Variants in NCOR2 observed in about 807,000 individuals in gnomAD.
The protein encoded by NCOR2 is CTG repeat protein 26.
A neutral mutation model predicts 262.9 loss-of-function variants in NCOR2; 81 were observed. That is an observed-to-expected ratio of 0.31 (90% CI 0.26 to 0.37). The LOEUF (loss-of-function observed/expected upper bound fraction) is 0.37, where lower values mean the gene tolerates loss of function less well. NCOR2 is among the 10% of genes least tolerant of loss of function. The pLI is 1.00. For missense variants in NCOR2, 3,385 were observed against 3,621.4 expected, an observed-to-expected ratio of 0.93 and a Z score of 1.68; for synonymous variants, 1,659 against 1,559.3, an observed-to-expected ratio of 1.06 and a Z score of -1.51.
At chr12:124,404,714 A>G (rs775142139) in intron 13 of NCOR2, among the ~76,000 whole-genome samples, 6 of 152,222 alleles carry the variant, frequency 3.9e-5, no homozygotes, top group Non-Finnish European at 8.8e-5. Flanking sequence ...AGAGGCTGGT[A>G]CAGAGGAGAA....
intron 32 of NCOR2, among the ~76,000 whole-genome samples, chr12:124,343,645 G>C (rs1271284217): frequency 6.9e-6 from 1 of 143,960 alleles, no homozygotes. Flanking sequence ...TTTTTTTTGA[G>C]ATAAGAGTTT....
At chr12:124,342,118 G>C in intron 33 of NCOR2, 44 bp from the exon 36 acceptor site, 1 of 1,569,128 alleles carries the variant, frequency 6.4e-7, no homozygotes, top group African/African-American at 1.3e-5. Context: ...CCATACCTAG[G>C]CCTGATGGTG....
rs750724953 is a variant in NCOR2, at chr12:124,334,474, C to T, written c.6555G>A (p.Pro2185=). The change falls in exon 41 of 47, where the codon CCG becomes CCA. Residue 2185 remains proline, a synonymous_variant. Coordinates refer to ENST00000405201, the Ensembl canonical transcript of NCOR2. Reference sequence around the variant, plus strand: ...AGCCACGGGCCGGGGCACCATGGTCCGGGGGCGGGAGGTAGAGGTCACTGG... The same window carrying T: ...AGCCACGGGCCGGGGCACCATGGTCTGGGGGCGGGAGGTAGAGGTCACTGG... The T allele has an allele frequency of 2.3e-5, 34 of 1,468,830 alleles. No individual in the cohort carries two copies. In the East Asian group the frequency reaches 3.2e-4, roughly 14 times the overall value. The allele number at this position is 1,468,830 out of a possible 1,614,324, so 91.0% of individuals were successfully genotyped here. A position where few individuals can be genotyped will look rare whatever the true frequency, so the allele number is the denominator to read the frequency against.
chr12:124,463,926 A>G lies in NCOR2; in HGVS notation c.705+2247T>C, dbSNP rs74592797. 6.3e-3 allele frequency among the ~76,000 whole-genome samples: 957 copies of G among 151,782 alleles called. 10 individuals carry two copies. The highest frequency in any genetic ancestry group is 0.021 in the African/African-American group (871 of 41,074). On this transcript the variant is annotated intron_variant, in intron 5 of 46. Transcript: ENST00000405201. ...TTCCTGCCGCCTGAATATTTGCACA[A>G]TAATTATTTAATGTGCATCTGCCGT...
chr12:124,492,632 C>CG (rs1358219743), intron 1 of NCOR2, among the ~76,000 whole-genome samples: 1 of 152,150 alleles, frequency 6.6e-6, no homozygotes, highest in Non-Finnish European at 1.5e-5. Context: ...TCCCCTTACC[C>CG]GGGGGGATCT....
intron 16 of NCOR2, among the ~76,000 whole-genome samples, chr12:124,395,248 G>A (rs2041573394): frequency 6.6e-6 from 1 of 152,116 alleles, no homozygotes; most frequent in African/African-American, 2.4e-5. Context: ...TTCTGGGCGG[G>A]GGCTCCAGAA....
intron 3 of NCOR2, among the ~76,000 whole-genome samples, chr12:124,478,845 G>C (rs945945410): frequency 2.0e-5 from 3 of 151,768 alleles, no homozygotes; most frequent in African/African-American, 7.3e-5. Flanking sequence ...AGAGATAGAG[G>C]GACACAAAGA....
chr12:124,455,984 T>C (rs1158719467), intron 6 of NCOR2, among the ~76,000 whole-genome samples: 3 of 152,208 alleles, frequency 2.0e-5, no homozygotes, highest in Non-Finnish European at 4.4e-5. Context: ...CAAGCGATCC[T>C]CCTGCCTCAG....
In NCOR2 at chr12:124,339,768, C is replaced by CCCAT. The variant is rs200830520; in HGVS notation, c.5687+234_5687+237dup. On this transcript the variant is annotated intron_variant, in intron 37 of 46. Transcript: ENST00000405201. ...CCCACCCACCTAACCCGACCACCCCCCCATCCATCCATCCATCCACCCACG... is the reference window on the plus strand; with the variant it reads ...CCCACCCACCTAACCCGACCACCCCCCCATCCATCCATCCATCCATCCACCCACG... 7.8e-3 allele frequency among the ~76,000 whole-genome samples: 1,068 copies of CCCAT among 137,788 alleles called. 32 individuals are homozygous for CCCAT. Among genetic ancestry groups the CCCAT allele is most frequent in the East Asian group, 0.06 (258 of 4,300 alleles). 90.4% of individuals were successfully genotyped at this position (137,788 alleles called of 152,430 possible).
chr12:124,391,040 G>A (rs918778632), intron 16 of NCOR2, among the ~76,000 whole-genome samples: 8 of 152,370 alleles, frequency 5.3e-5, no homozygotes, highest in Non-Finnish European at 1.0e-4. Context: ...GCGGGCCCAT[G>A]ACGAGCTGTT....
exon 46 of NCOR2, chr12:124,326,361 C>T (rs1302049205): frequency 6.7e-7 from 1 of 1,492,874 alleles, no homozygotes. Context: ...CTTGGCCTTC[C>T]CGCCGCCACC....
At chr12:124,338,664 G>A (rs1243300612) in intron 37 of NCOR2, among the ~76,000 whole-genome samples, 1 of 152,006 alleles carries the variant, frequency 6.6e-6, no homozygotes, top group Non-Finnish European at 1.5e-5. Flanking sequence ...CTTTGTCCAG[G>A]CAAGAGGGAC....
chr12:124,519,516 G>A (rs1300993909), intron 1 of NCOR2, among the ~76,000 whole-genome samples: 2 of 152,190 alleles, frequency 1.3e-5, no homozygotes, highest in African/African-American at 4.8e-5. Context: ...CCACGCGGGT[G>A]TGTTGTCAAA....
At position 124,504,244 on chromosome 12, in the gene NCOR2, A is replaced by C. The variant is rs1043922731; in HGVS notation, c.-117-8876T>G. On this transcript the variant is annotated intron_variant, in intron 1 of 46. Coordinates refer to the NCOR2 transcript ENST00000404621. The surrounding 1 kb of genome is among the most constrained non-coding windows in gnomAD (Gnocchi z 4.5). ...GGTAGAGATACGTGGGCCAGGTTAA[A>C]GCCAGAAAGCTGGGGTGCCCGGAGC... Among the ~76,000 whole-genome samples the C allele has an allele frequency of 6.6e-6, 1 of 152,348 alleles. No individual in the cohort carries two copies. The highest frequency in any genetic ancestry group is 1.5e-5 in the Non-Finnish European group (1 of 68,034).
At chr12:124,332,119 T>C (rs940497803) in intron 43 of NCOR2, 200 bp downstream of exon 45, 3 of 621,412 alleles carry the variant, frequency 4.8e-6, no homozygotes, top group South Asian at 2.0e-5. Context: ...TAAGCTCCTA[T>C]GGAAAGCCCA....
chr12:124,422,393 C>T, intron 12 of NCOR2, 108 bp downstream of exon 14: 1 of 1,335,118 alleles, frequency 7.5e-7, no homozygotes, highest in Non-Finnish European at 1.1e-6. Context: ...AGCAAGGGGC[C>T]AGGCAGGCCA....
At chr12:124,356,651 C>T (rs781631837) in exon 23 of NCOR2, 4 of 1,440,050 alleles carry the variant, frequency 2.8e-6, no homozygotes, top group South Asian at 1.6e-5. Flanking sequence ...CCAGGTGGAG[C>T]GTAGGAGAAG....
chr12:124,523,641 A>AAC lies in NCOR2; in HGVS notation c.-118+11923_-118+11924insGT, dbSNP rs1361270233. Among the ~76,000 whole-genome samples the AAC allele has an allele frequency of 1.3e-5, 2 of 151,106 alleles. No homozygotes were observed. Among genetic ancestry groups the AAC allele is most frequent in the African/African-American group, 2.5e-5 (1 of 40,588 alleles). ...ACTAACCATAGCTGATGAACTAAAA[A>AAC]AAAAAAAAACAAAAAACCGAAAAAC... On this transcript the variant is annotated intron_variant, in intron 1 of 46. Transcript: ENST00000404621. The surrounding 1 kb of genome is among the most constrained non-coding windows in gnomAD (Gnocchi z 4.0).
intron 13 of NCOR2, among the ~76,000 whole-genome samples, chr12:124,417,932 G>A (rs149515285): frequency 8.5e-4 from 129 of 151,964 alleles, no homozygotes; most frequent in Non-Finnish European, 1.1e-3. Flanking sequence ...GCAGTGGCAC[G>A]CACCTGTAAT....
Sources: gnomAD v4.1 joint callset for allele counts (sites outside exome capture counted in the v4.1 genomes callset) on GRCh38, gnomAD v4.1.1 for gene constraint, Gnocchi (gnomAD v3.1) non-coding constraint, MANE v1.5 for transcripts, NCBI Gene and HGNC (gene_info 2026-07-23, HGNC 2026-07-21) for gene names.